COX19: variants seen among roughly 807,000 people sequenced by gnomAD.
COX19 encodes cytochrome c oxidase assembly factor COX19, also known as cytochrome c oxidase assembly protein COX19.
COX19 carries 8 observed loss-of-function variants against 6.8 expected under a neutral mutation model. That is an observed-to-expected ratio of 1.18 (90% CI 0.69 to 2.12). The LOEUF (loss-of-function observed/expected upper bound fraction) is 2.12. COX19 is among the 30% of genes most tolerant of loss of function. The probability of loss-of-function intolerance (pLI) is 0.00; values close to 1 mark genes in which losing one functional copy is unlikely to be tolerated. For missense variants in COX19, 131 were observed against 104.6 expected (o/e 1.25, Z -1.10); for synonymous variants, 51 against 38.0 (o/e 1.34, Z -1.26).
intron 1 of COX19, chr7:975,113 G>A (rs1247379077): frequency 6.2e-6 from 2 of 324,856 alleles, no homozygotes; most frequent in African/African-American, 2.1e-5. Context: ...CGTGGCCGCC[G>A]AATGCCCCGC....
In COX19 at chr7:973,292, C is replaced by A; in HGVS notation, c.83G>T (p.Gly28Val). The A allele has an allele frequency of 6.3e-7, 1 of 1,581,454 alleles. No homozygotes were observed. Among genetic ancestry groups the A allele is most frequent in the Non-Finnish European group, 8.6e-7 (1 of 1,165,968 alleles). ...DKGSFPLDHL[G>V]ECKSFKEKFM... The stretch of plus-strand genomic sequence containing the variant: ...TTTCTCTTTAAAGCTTTTACATTCA[C>A]CTAGAACGAGAAAGAAAACAGCATG... Residue 28 changes from glycine to valine, a missense_variant and splice_region_variant, in exon 2 of 3, where the codon GGT becomes GTT. By Grantham distance (109) the Gly-to-Val change is moderately radical (BLOSUM62 -3). Transcript: ENST00000344111.
rs551729335 is a variant in COX19 at position 969,272 on chromosome 7, A to G, written c.*106T>C. On this transcript the variant is annotated 3_prime_UTR_variant, in exon 3 of 3. Transcript: ENST00000344111. ...GGGCTGGAGCTTCTATTCGAAGCCCATTTCTAAGGACACCACACGCAGGCC... is the reference window on the plus strand; with the variant it reads ...GGGCTGGAGCTTCTATTCGAAGCCCGTTTCTAAGGACACCACACGCAGGCC... The G allele has an allele frequency of 4.8e-5, 36 of 748,528 alleles. No homozygotes were observed. In the East Asian group the frequency reaches 7.2e-4, roughly 15 times the overall value. The allele number at this position is 748,528 out of a possible 1,614,324, so 46.4% of individuals were successfully genotyped here. A position where few individuals can be genotyped will look rare whatever the true frequency, so the allele number is the denominator to read the frequency against.
rs113867737 is a variant in COX19 at position 969,358 on chromosome 7, A to AG, written c.*19dup. 6,876 of 1,520,654 alleles carry AG rather than the reference A, an allele frequency of 4.5e-3. 227 individuals are homozygous for AG. The African/African-American group carries it at 0.079, about 18-fold the overall frequency. 94.2% of individuals were successfully genotyped at this position (1,520,654 alleles called of 1,614,324 possible). A position where few individuals can be genotyped will look rare whatever the true frequency, so the allele number is the denominator to read the frequency against. ...CCTGAGAGACCACTGAACACGGCCC[A>AG]GGGGTCTTCTCATCAAAATTCATTT... On this transcript the variant is annotated 3_prime_UTR_variant, in exon 3 of 3. Coordinates refer to ENST00000344111, the MANE Select transcript of COX19 (RefSeq NM_001031617.3).
intron 2 of COX19, 166 bp downstream of exon 2, chr7:973,015 T>C: frequency 2.4e-6 from 1 of 408,336 alleles, no homozygotes; most frequent in Non-Finnish European, 4.3e-6. Context: ...TTTGGTACAA[T>C]TTCATCTGAT....
intron 2 of COX19, among the ~76,000 whole-genome samples, chr7:971,148 G>C (rs1217187934): frequency 1.3e-5 from 2 of 152,184 alleles, no homozygotes; most frequent in African/African-American, 4.8e-5. Context: ...TGCTCCACCA[G>C]CGTGTCTGTG....
rs1012465064 is a variant in COX19, at chr7:966,131, ATAAT to A, written c.*3243_*3246del. 3.3e-4 allele frequency: 49 copies of A among 150,764 alleles called. No homozygotes were observed. The highest frequency in any genetic ancestry group is 1.1e-3 in the African/African-American group (46 of 40,736). 9.3% of individuals were successfully genotyped at this position (150,764 alleles called of 1,614,324 possible). The stretch of plus-strand genomic sequence containing the variant: ...ATTCTGAGGGCTACAGCCCATTACA[ATAAT>A]TAATTTTCTTTCTTTTTTTTTTTTT... On this transcript the variant is annotated 3_prime_UTR_variant, in exon 3 of 3. Transcript: ENST00000344111.
At chr7:970,323 C>T (rs1040370995) in intron 2 of COX19, among the ~76,000 whole-genome samples, 10 of 151,898 alleles carry the variant, frequency 6.6e-5, no homozygotes, top group Admixed American at 6.6e-5. Context: ...TTAGTAGAGA[C>T]GGTGTCTAAC....
Position 965,800 on chromosome 7 carries a change from A to G in COX19, c.*3578T>C, listed in dbSNP as rs6462223. On this transcript the variant is annotated 3_prime_UTR_variant, in exon 3 of 3. Coordinates refer to ENST00000344111, the MANE Select transcript of COX19 (RefSeq NM_001031617.3). ...ATTACAGACACACGCCACCAGCCCC[A>G]GCTAATTTTTGTATTTTTAGTAGAG... Among the ~76,000 whole-genome samples, 108,448 of 152,232 alleles carry G rather than the reference A, an allele frequency of 0.71. 40,067 individuals carry two copies. The highest frequency in any genetic ancestry group is 0.92 in the African/African-American group (38,347 of 41,554).
At position 966,515 on chromosome 7, in the gene COX19, G is replaced by A. The variant is rs948851219; in HGVS notation, c.*2863C>T. ...ACCGTATGCTCCTTCCCATCCCCCC[G>A]TGTTATTTCAACAAGTCTCCTCATC... On this transcript the variant is annotated 3_prime_UTR_variant, in exon 3 of 3. Transcript: ENST00000344111. 1.3e-5 allele frequency: 2 copies of A among 152,224 alleles called. No individual in the cohort carries two copies. The highest frequency in any genetic ancestry group is 2.4e-5 in the African/African-American group (1 of 41,386). The allele number at this position is 152,224 out of a possible 1,614,324, so 9.4% of individuals were successfully genotyped here.
intron 2 of COX19, among the ~76,000 whole-genome samples, chr7:970,374 A>G (rs1250528059): frequency 2.0e-5 from 3 of 150,454 alleles, no homozygotes; most frequent in African/African-American, 7.4e-5. Context: ...ACCTCATGTG[A>G]TTACCCACCT....
In COX19 at chr7:969,175, AG is replaced by A; in HGVS notation, c.*202del. The A allele has an allele frequency of 1.8e-6, 1 of 564,656 alleles. No homozygotes were observed. The highest frequency in any genetic ancestry group is 3.1e-6 in the Non-Finnish European group (1 of 318,004). The allele number at this position is 564,656 out of a possible 1,614,324, so 35.0% of individuals were successfully genotyped here. On this transcript the variant is annotated 3_prime_UTR_variant, in exon 3 of 3. Coordinates refer to ENST00000344111, the MANE Select transcript of COX19 (RefSeq NM_001031617.3). ...CTTTGCCGGGAACGCCGTCCCACTC[AG>A]GGGTTCAATGCAGAAACACCCTCCT...
Position 975,480 on chromosome 7 carries a change from C to G in COX19, c.30G>C (p.Lys10Asn). The G allele has an allele frequency of 6.2e-7, 1 of 1,603,424 alleles. No individual in the cohort carries two copies. The highest frequency in any genetic ancestry group is 1.1e-5 in the South Asian group (1 of 89,598). ...TGTCCGGGGGCCGCGGCTGGAAGCTCTTGGTCCCGAAATTCATGGCGGTCG... is the reference window on the plus strand; with the variant it reads ...TGTCCGGGGGCCGCGGCTGGAAGCTGTTGGTCCCGAAATTCATGGCGGTCG... MSTAMNFGT[K>N]SFQPRPPDKG... The change falls in exon 1 of 3, where the codon AAG (lysine) becomes AAC (asparagine). Residue 10 changes from lysine (K) to asparagine (N), a missense_variant. Lys to Asn is a moderately conservative substitution (Grantham distance 94, BLOSUM62 0). Coordinates refer to ENST00000344111, the MANE Select transcript of COX19 (RefSeq NM_001031617.3).
chr7:972,419 G>A (rs141103936), intron 2 of COX19, among the ~76,000 whole-genome samples: 1 of 152,354 alleles, frequency 6.6e-6, no homozygotes, highest in East Asian at 1.9e-4. Context: ...AAATGTCTGA[G>A]TATGTTATGG....
chr7:969,132 C>T lies in COX19; in HGVS notation c.*246G>A, dbSNP rs575820735. 12 of 469,408 alleles carry T rather than the reference C, an allele frequency of 2.6e-5. No homozygotes were observed. The highest frequency in any genetic ancestry group is 1.9e-4 in the Admixed American group (5 of 25,976). The allele number at this position is 469,408 out of a possible 1,614,324, so 29.1% of individuals were successfully genotyped here. A position where few individuals can be genotyped will look rare whatever the true frequency, so the allele number is the denominator to read the frequency against. ...CCTCGAAGACAAGGGTCTTGCCCCA[C>T]GCTCGCCTCCCTCCCAGCTTTGCCG... On this transcript the variant is annotated 3_prime_UTR_variant, in exon 3 of 3. Coordinates refer to ENST00000344111, the MANE Select transcript of COX19 (RefSeq NM_001031617.3).
rs999747335 is a variant in COX19, at chr7:966,051, C to A, written c.*3327G>T. On this transcript the variant is annotated 3_prime_UTR_variant, in exon 3 of 3. Transcript: ENST00000344111. ...TAATAAGACAGACCTGGCCCTCCCC[C>A]CACTGACATGTTTACGCAATTACTT... 1.3e-5 allele frequency: 2 copies of A among 152,254 alleles called. No individual in the cohort carries two copies. The highest frequency in any genetic ancestry group is 4.8e-5 in the African/African-American group (2 of 41,448). The allele number at this position is 152,254 out of a possible 1,614,324, so 9.4% of individuals were successfully genotyped here. A position where few individuals can be genotyped will look rare whatever the true frequency, so the allele number is the denominator to read the frequency against.
At position 975,469 on chromosome 7, in the gene COX19, G is replaced by A. The variant is rs757503087; in HGVS notation, c.41C>T (p.Pro14Leu). The A allele has an allele frequency of 6.2e-7, 1 of 1,602,390 alleles. No homozygotes were observed. Among genetic ancestry groups the A allele is most frequent in the South Asian group, 1.1e-5 (1 of 89,488 alleles). The change falls in exon 1 of 3, where the codon CCG becomes CTG. Residue 14 changes from proline to leucine, a missense_variant. Pro to Leu is a moderately conservative substitution (Grantham distance 98). Transcript: ENST00000344111. ...GAAGCTGCCCTTGTCCGGGGGCCGC[G>A]GCTGGAAGCTCTTGGTCCCGAAATT... ...AMNFGTKSFQ[P>L]RPPDKGSFPL...
chr7:973,826 C>T (rs1011558485), intron 1 of COX19, among the ~76,000 whole-genome samples: 1 of 150,902 alleles, frequency 6.6e-6, no homozygotes, highest in African/African-American at 2.4e-5. Flanking sequence ...ATTAGCCGGG[C>T]ATGGTGGCGG....
intron 2 of COX19, among the ~76,000 whole-genome samples, chr7:971,210 T>C (rs1254071303): frequency 6.6e-6 from 1 of 152,172 alleles, no homozygotes; most frequent in Non-Finnish European, 1.5e-5. Context: ...AACTTCTAAA[T>C]CACTGCAGAG....
At chr7:969,954 A>G (rs1179110659) in intron 2 of COX19, among the ~76,000 whole-genome samples, 1 of 128,294 alleles carries the variant, frequency 7.8e-6, no homozygotes, top group Non-Finnish European at 1.6e-5. Flanking sequence ...CAGTTATCTG[A>G]TATTTTTTTT....
Sources: gnomAD v4.1 joint callset for allele counts (sites outside exome capture counted in the v4.1 genomes callset) on GRCh38, gnomAD v4.1.1 for gene constraint, MANE v1.5 for transcripts, NCBI Gene and HGNC (gene_info 2026-07-23, HGNC 2026-07-21) for gene names.